PRPH: variants seen among roughly 807,000 people sequenced by gnomAD.
PRPH encodes the protein peripherin.
Under a neutral mutation model 52.6 loss-of-function variants are expected in PRPH, and 48 were observed. The observed-to-expected ratio is 0.91, with a 90% CI of 0.72 to 1.16. The LOEUF (loss-of-function observed/expected upper bound fraction) is 1.16, where lower values mean the gene tolerates loss of function less well. Ranked by LOEUF, PRPH falls within the 50% of genes most tolerant of loss-of-function variation. The probability of loss-of-function intolerance (pLI) is 0.00; values close to 1 mark genes in which losing one functional copy is unlikely to be tolerated. For missense variants in PRPH, 579 were observed against 635.7 expected (o/e 0.91, Z 0.96); for synonymous variants, 279 against 283.8 (o/e 0.98, Z 0.17).
rs376104154 is a variant in PRPH at position 49,295,482 on chromosome 12, C to T, written c.282C>T (p.Arg94=). 5.3e-5 allele frequency: 85 copies of T among 1,609,286 alleles called. 1 individual carries two copies. Among genetic ancestry groups the T allele is most frequent in the Non-Finnish European group, 7.1e-5 (84 of 1,178,360 alleles). ...TCAACCAGGAGTTCCTGGCCACGCG[C>T]AGCAACGAGAAGCAGGAGCTGCAGG... ...EALNQEFLAT[R]SNEKQELQEL... The change falls in exon 1 of 9, where the codon CGC becomes CGT. Residue 94 remains arginine (R), a synonymous_variant. Coordinates refer to ENST00000257860, the MANE Select transcript of PRPH (RefSeq NM_006262.4).
Position 49,296,377 on chromosome 12 carries a change from C to T in PRPH, c.607-55C>T. On this transcript the variant is annotated intron_variant, in intron 2 of 8. Coordinates refer to ENST00000257860, the MANE Select transcript of PRPH (RefSeq NM_006262.4). This position sits in a 1 kb window ranked among gnomAD's most constrained non-coding sequence, Gnocchi z 5.1. ...GGCAGACAGGGAAGGCCTGGTCCTT[C>T]CTTGGTCTGCGCAGCCCCTAACTTA... is the stretch of plus-strand genomic sequence containing the variant. 2 of 1,592,642 alleles carry T rather than the reference C, an allele frequency of 1.3e-6. No individual in the cohort carries two copies. The highest frequency in any genetic ancestry group is 3.4e-5 in the Admixed American group (2 of 59,520).
In PRPH at chr12:49,295,519, C is replaced by G; in HGVS notation, c.319C>G (p.Arg107Gly). 6.2e-7 allele frequency: 1 copy of G among 1,603,078 alleles called. No individual in the cohort carries two copies. Among genetic ancestry groups the G allele is most frequent in the Non-Finnish European group, 8.5e-7 (1 of 1,175,176 alleles). ...EKQELQELND[R>G]FANFIEKVRF... ...GCAGGAGCTGCAGGAGCTCAACGAC[C>G]GCTTCGCCAACTTCATCGAGAAGGT... The change falls in exon 1 of 9, where the codon CGC (arginine) becomes GGC (glycine). Residue 107 changes from arginine (R) to glycine (G), a missense_variant. Transcript: ENST00000257860.
In PRPH at chr12:49,296,016, C is replaced by T. The variant is rs1943173654; in HGVS notation, c.546-162C>T. On this transcript the variant is annotated intron_variant, in intron 1 of 8. Transcript: ENST00000257860. The surrounding 1 kb of genome is among the most constrained non-coding windows in gnomAD (Gnocchi z 5.1). ...GAAACCCCCTTTTCAGCTCCCAGTC[C>T]GTTAGAGACAATGCGGGGCAATTCC... is the stretch of plus-strand genomic sequence containing the variant. The T allele has an allele frequency of 2.2e-6, 3 of 1,338,226 alleles. No homozygotes were observed. The highest frequency in any genetic ancestry group is 2.1e-5 in the Admixed American group (1 of 48,144). 82.9% of individuals were successfully genotyped at this position (1,338,226 alleles called of 1,614,324 possible).
At position 49,298,342 on chromosome 12, in the gene PRPH, C is replaced by A. The variant is rs1450117653; in HGVS notation, c.1402C>A (p.His468Asn). ...QRSELDKSSA[H>N]SY is the part of the protein sequence containing the mutation. The stretch of plus-strand genomic sequence containing the variant: ...CAGTGAGCTGGACAAGTCTTCTGCC[C>A]ACAGTTACTGAACCCCTTGGTCCGG... The change falls in exon 9 of 9, where the codon CAC becomes AAC. Residue 468 changes from histidine (H) to asparagine (N), a missense_variant. Coordinates refer to ENST00000257860, the MANE Select transcript of PRPH (RefSeq NM_006262.4). The A allele has an allele frequency of 1.2e-6, 2 of 1,614,190 alleles. No individual in the cohort carries two copies. Among genetic ancestry groups the A allele is most frequent in the Non-Finnish European group, 1.7e-6 (2 of 1,180,026 alleles).
Position 49,296,751 on chromosome 12 carries a change from G to A in PRPH, c.703-138G>A. On this transcript the variant is annotated intron_variant, in intron 3 of 8. Coordinates refer to ENST00000257860, the MANE Select transcript of PRPH (RefSeq NM_006262.4). The surrounding 1 kb of genome is among the most constrained non-coding windows in gnomAD (Gnocchi z 5.1). ...TGGCCTCTGGTCTCGCGCCCGCGGG[G>A]GCGCAGGGCTGTACGCCCTGCCCTC... is the stretch of plus-strand genomic sequence containing the variant. The A allele has an allele frequency of 7.4e-7, 1 of 1,360,348 alleles. No homozygotes were observed. Among genetic ancestry groups the A allele is most frequent in the East Asian group, 2.5e-5 (1 of 39,802 alleles). 84.3% of individuals were successfully genotyped at this position (1,360,348 alleles called of 1,614,324 possible). A position where few individuals can be genotyped will look rare whatever the true frequency, so the allele number is the denominator to read the frequency against.
rs1943160918 is a variant in PRPH at position 49,295,377 on chromosome 12, C to A, written c.177C>A (p.Ser59Arg). ...CGAGCTCCTCGGTGCGCCTGGGCAGCTTCCGTAGCCCCCGAGCGGGAGCGG... is the reference window on the plus strand; with the variant it reads ...CGAGCTCCTCGGTGCGCCTGGGCAGATTCCGTAGCCCCCGAGCGGGAGCGG... ...ASPSSSVRLGSFRSPRAGAGA... is the reference protein window; with the variant it reads ...ASPSSSVRLGRFRSPRAGAGA... Residue 59 changes from serine (S) to arginine (R), a missense_variant, in exon 1 of 9, where the codon AGC becomes AGA. Physicochemically the swap from Ser to Arg is moderately radical, Grantham distance 110. Coordinates refer to ENST00000257860, the MANE Select transcript of PRPH (RefSeq NM_006262.4). 1 of 1,608,138 alleles carries A rather than the reference C, an allele frequency of 6.2e-7. No individual in the cohort carries two copies. The highest frequency in any genetic ancestry group is 8.5e-7 in the Non-Finnish European group (1 of 1,178,296).
rs374317833 is a variant in PRPH at position 49,296,255 on chromosome 12, C to T, written c.606+17C>T. The T allele has an allele frequency of 3.2e-5, 52 of 1,612,442 alleles. No homozygotes were observed. Among genetic ancestry groups the T allele is most frequent in the Non-Finnish European group, 4.1e-5 (48 of 1,179,580 alleles). The stretch of plus-strand genomic sequence containing the variant: ...TTCCGCAAGGTGAGTCCGAGCCCCT[C>T]TCCGAGTTCAGCCTCCCCACCGCTA... On this transcript the variant is annotated intron_variant, in intron 2 of 8. Coordinates refer to ENST00000257860, the MANE Select transcript of PRPH (RefSeq NM_006262.4). The surrounding 1 kb of genome is among the most constrained non-coding windows in gnomAD (Gnocchi z 5.1).
At position 49,297,689 on chromosome 12, in the gene PRPH, C is replaced by A. The variant is rs961356242; in HGVS notation, c.1230C>A (p.Pro410=). Residue 410 remains proline (P), a synonymous_variant, in exon 7 of 9, where the codon CCC becomes CCA. Coordinates refer to ENST00000257860, the MANE Select transcript of PRPH (RefSeq NM_006262.4). The surrounding 1 kb of genome is among the most constrained non-coding windows in gnomAD (Gnocchi z 4.4). ...LEGEESRISV[P]VHSFASLNIK... ...GCTTCGCCTCTAGGATCTCCGTGCC[C>A]GTCCATTCTTTTGCCTCCTTAAATA... 1 of 1,607,570 alleles carries A rather than the reference C, an allele frequency of 6.2e-7. No homozygotes were observed. Among genetic ancestry groups the A allele is most frequent in the Non-Finnish European group, 8.5e-7 (1 of 1,174,872 alleles).
Position 49,296,330 on chromosome 12 carries a change from G to A in PRPH, c.606+92G>A. ...GGCATCGGTGGGCGCGGGGAGAAGG[G>A]GGTAACCCAGATGCCTCCTGAGGCA... On this transcript the variant is annotated intron_variant, in intron 2 of 8. Transcript: ENST00000257860. The surrounding 1 kb of genome is among the most constrained non-coding windows in gnomAD (Gnocchi z 5.1). The A allele has an allele frequency of 2.6e-6, 4 of 1,567,718 alleles. No individual in the cohort carries two copies. The highest frequency in any genetic ancestry group is 3.5e-6 in the Non-Finnish European group (4 of 1,142,972).
In PRPH at chr12:49,297,695, T is replaced by C. The variant is rs766255384; in HGVS notation, c.1236T>C (p.His412=). The part of the protein sequence containing the change: ...GEESRISVPV[H]SFASLNIKTT... ...CCTCTAGGATCTCCGTGCCCGTCCA[T>C]TCTTTTGCCTCCTTAAATATAAAGA... Residue 412 remains histidine, a synonymous_variant, in exon 7 of 9, where the codon CAT becomes CAC. Coordinates refer to ENST00000257860, the MANE Select transcript of PRPH (RefSeq NM_006262.4). This position sits in a 1 kb window ranked among gnomAD's most constrained non-coding sequence, Gnocchi z 4.4. 10 of 1,608,406 alleles carry C rather than the reference T, an allele frequency of 6.2e-6. No individual in the cohort carries two copies. Among genetic ancestry groups the C allele is most frequent in the Non-Finnish European group, 8.5e-6 (10 of 1,175,656 alleles).
chr12:49,296,633 G>C lies in PRPH; in HGVS notation c.702+106G>C. The C allele has an allele frequency of 8.4e-7, 1 of 1,186,444 alleles. No homozygotes were observed. The highest frequency in any genetic ancestry group is 1.5e-5 in the African/African-American group (1 of 66,650). The allele number at this position is 1,186,444 out of a possible 1,614,324, so 73.5% of individuals were successfully genotyped here. ...GCCCTGGGGATCAGGACGATGCTGG[G>C]TAGACGCAGCCCCTCCACCCTAGTC... On this transcript the variant is annotated intron_variant, in intron 3 of 8. Coordinates refer to ENST00000257860, the MANE Select transcript of PRPH (RefSeq NM_006262.4). This position sits in a 1 kb window ranked among gnomAD's most constrained non-coding sequence, Gnocchi z 5.1.
Position 49,297,745 on chromosome 12 carries a change from C to T in PRPH, c.1267+19C>T, listed in dbSNP as rs1312709411. 6.2e-7 allele frequency: 1 copy of T among 1,611,340 alleles called. No homozygotes were observed. The highest frequency in any genetic ancestry group is 8.5e-7 in the Non-Finnish European group (1 of 1,178,164). On this transcript the variant is annotated intron_variant, in intron 7 of 8. Transcript: ENST00000257860. The surrounding 1 kb of genome is among the most constrained non-coding windows in gnomAD (Gnocchi z 4.4). ...ACGACTGGTGAGTCTGGCTTACAGC[C>T]TGTACCTCTCCTTGTCCACTTCTGC...
rs982044831 is a variant in PRPH, at chr12:49,296,320, G to A, written c.606+82G>A. 6.4e-6 allele frequency: 10 copies of A among 1,568,506 alleles called. No individual in the cohort carries two copies. In the Admixed American group the frequency reaches 8.7e-5, roughly 14 times the overall value. On this transcript the variant is annotated intron_variant, in intron 2 of 8. Coordinates refer to ENST00000257860, the MANE Select transcript of PRPH (RefSeq NM_006262.4). This position sits in a 1 kb window ranked among gnomAD's most constrained non-coding sequence, Gnocchi z 5.1. ...ATCCAGAGGTGGCATCGGTGGGCGC[G>A]GGGAGAAGGGGGTAACCCAGATGCC...
Position 49,298,300 on chromosome 12 carries a change from T to A in PRPH, c.1360T>A (p.Ser454Thr). 6.2e-7 allele frequency: 1 copy of A among 1,613,978 alleles called. No individual in the cohort carries two copies. Among genetic ancestry groups the A allele is most frequent in the Non-Finnish European group, 8.5e-7 (1 of 1,179,984 alleles). The stretch of plus-strand genomic sequence containing the variant: ...CTGTCCCCAGCAGGTGGTGACAGAG[T>A]CCCAGAAGGAGCAGCGCAGTGAGCT... ...ETRNGEVVTE[S>T]QKEQRSELDK... Residue 454 changes from serine (S) to threonine (T), a missense_variant, in exon 9 of 9, where the codon TCC (serine) becomes ACC (threonine). Coordinates refer to ENST00000257860, the MANE Select transcript of PRPH (RefSeq NM_006262.4).
At position 49,296,842 on chromosome 12, in the gene PRPH, C is replaced by T; in HGVS notation, c.703-47C>T. On this transcript the variant is annotated intron_variant, in intron 3 of 8. Coordinates refer to ENST00000257860, the MANE Select transcript of PRPH (RefSeq NM_006262.4). The surrounding 1 kb of genome is among the most constrained non-coding windows in gnomAD (Gnocchi z 5.1). ...TTCTGTGCACGAACTGCGTGGCCCG[C>T]GTGGAATTTGCGCCGCTGTCCATCC... 6.3e-7 allele frequency: 1 copy of T among 1,576,750 alleles called. No individual in the cohort carries two copies. Among genetic ancestry groups the T allele is most frequent in the Middle Eastern group, 2.2e-4 (1 of 4,578 alleles).
At chr12:49,295,966 A>T (rs1190422227) in intron 1 of PRPH, 1 of 1,423,796 alleles carries the variant, frequency 7.0e-7, no homozygotes, top group Non-Finnish European at 9.3e-7. Context: ...AGAAGTGGGT[A>T]TCTGTGCCTC....
Position 49,297,523 on chromosome 12 carries a change from C to G in PRPH, c.1163C>G (p.Ala388Gly). 6.2e-7 allele frequency: 1 copy of G among 1,612,352 alleles called. No homozygotes were observed. ...CAGGAGCTCCTCAACGTCAAGATGG[C>G]CCTGGACATCGAGATCGCCACCTAC... ...EYQELLNVKM[A>G]LDIEIATYRK... Residue 388 changes from alanine to glycine, a missense_variant, in exon 6 of 9, where the codon GCC becomes GGC. Coordinates refer to ENST00000257860, the MANE Select transcript of PRPH (RefSeq NM_006262.4). The surrounding 1 kb of genome is among the most constrained non-coding windows in gnomAD (Gnocchi z 4.4).
Position 49,297,292 on chromosome 12 carries a change from G to T in PRPH, c.996+19G>T. 1 of 1,613,756 alleles carries T rather than the reference G, an allele frequency of 6.2e-7. No homozygotes were observed. The highest frequency in any genetic ancestry group is 8.5e-7 in the Non-Finnish European group (1 of 1,179,974). On this transcript the variant is annotated intron_variant, in intron 5 of 8. Coordinates refer to ENST00000257860, the MANE Select transcript of PRPH (RefSeq NM_006262.4). The surrounding 1 kb of genome is among the most constrained non-coding windows in gnomAD (Gnocchi z 4.4). The stretch of plus-strand genomic sequence containing the variant: ...CGGCACGGTGAGTACGAAGCTGCGC[G>T]CTCGGGCCCGGGGAGCGGACGATGA...
rs763128503 is a variant in PRPH, at chr12:49,295,496, A to C, written c.296A>C (p.Gln99Pro). ...CTGGCCACGCGCAGCAACGAGAAGC[A>C]GGAGCTGCAGGAGCTCAACGACCGC... Reference protein sequence around the residue: ...EFLATRSNEKQELQELNDRFA... With the variant: ...EFLATRSNEKPELQELNDRFA... The change falls in exon 1 of 9, where the codon CAG becomes CCG. Residue 99 changes from glutamine to proline, a missense_variant. Physicochemically the swap from Gln to Pro is moderately conservative, Grantham distance 76. Coordinates refer to ENST00000257860, the MANE Select transcript of PRPH (RefSeq NM_006262.4). 6.2e-7 allele frequency: 1 copy of C among 1,607,376 alleles called. No homozygotes were observed. The highest frequency in any genetic ancestry group is 8.5e-7 in the Non-Finnish European group (1 of 1,177,324).
Sources: gnomAD v4.1 joint callset for allele counts on GRCh38, gnomAD v4.1.1 for gene constraint, Gnocchi (gnomAD v3.1) non-coding constraint, MANE v1.5 for transcripts, NCBI Gene and HGNC (gene_info 2026-07-23, HGNC 2026-07-21) for gene names.